PHIP: variants seen among roughly 807,000 people sequenced by gnomAD.
PHIP encodes the protein PHIP subunit of CUL4-Ring ligase complex, also known as PH-interacting protein.
In PHIP, 54 loss-of-function variants were observed where a neutral mutation model predicts 236.8. The ratio of observed to expected loss-of-function variants is 0.23; its 90% CI spans 0.18 to 0.29. The LOEUF (loss-of-function observed/expected upper bound fraction) is 0.29. Ranked by LOEUF, PHIP falls within the 10% of genes least tolerant of loss-of-function variation. The pLI, the probability that PHIP is intolerant of heterozygous loss-of-function variation, is 1.00. For missense variants in PHIP, 1,370 were observed against 2,190.8 expected (o/e 0.63, Z 7.48); for synonymous variants, 756 against 718.9 (o/e 1.05, Z -0.83).
intron 4 of PHIP, among the ~76,000 whole-genome samples, chr6:79,070,895 A>G (rs571165316): frequency 2.8e-4 from 42 of 152,328 alleles, no homozygotes; most frequent in African/African-American, 1.0e-3. Context: ...CTACAGTTGA[A>G]TTCACAGATG....
intron 4 of PHIP, among the ~76,000 whole-genome samples, chr6:79,068,898 G>A (rs1391677176): frequency 6.6e-6 from 1 of 152,140 alleles, no homozygotes. Flanking sequence ...ATAAGACCCT[G>A]CTGTTTGGCA....
chr6:78,954,875 A>G lies in PHIP; in HGVS notation c.3992T>C (p.Leu1331Pro). The change falls in exon 35 of 40, where the codon CTC becomes CCC. Residue 1331 changes from leucine (L) to proline (P), a missense_variant. Physicochemically the swap from Leu to Pro is moderately conservative, Grantham distance 98 (BLOSUM62 -3). Transcript: ENST00000275034. Reference protein sequence around the residue: ...WKKQCEELLNLIFQCEDSEPF... With the variant: ...WKKQCEELLNPIFQCEDSEPF... ...CTCTGAATCTTCACATTGAAATATG[A>G]GATTTAACAATTCTTCACACTGTTT... The G allele has an allele frequency of 6.3e-7, 1 of 1,585,152 alleles. No individual in the cohort carries two copies. The highest frequency in any genetic ancestry group is 1.4e-5 in the African/African-American group (1 of 73,154).
intron 9 of PHIP, among the ~76,000 whole-genome samples, chr6:79,023,162 T>C (rs1044969160): frequency 1.3e-5 from 2 of 152,232 alleles, no homozygotes; most frequent in East Asian, 3.8e-4. Flanking sequence ...CACTTCAGCC[T>C]TTAACTCCTG....
chr6:78,993,326 G>A (rs1335978553), intron 19 of PHIP, among the ~76,000 whole-genome samples: 1 of 152,214 alleles, frequency 6.6e-6, no homozygotes, highest in African/African-American at 2.4e-5. Context: ...AACTAGCTAA[G>A]ATCACTGAAG....
chr6:78,935,765 T>C lies in PHIP; in HGVS notation c.*4928A>G, dbSNP rs1419433487. 5 of 984,848 alleles carry C rather than the reference T, an allele frequency of 5.1e-6. No homozygotes were observed. Among genetic ancestry groups the C allele is most frequent in the South Asian group, 9.4e-5 (2 of 21,284 alleles). 61.0% of individuals were successfully genotyped at this position (984,848 alleles called of 1,614,324 possible). On this transcript the variant is annotated 3_prime_UTR_variant, in exon 40 of 40. Transcript: ENST00000275034. ...CATTTACATAATGGTATCTGCCATA[T>C]GACCACTTTGGTAAGCAGCTTGTTG...
At chr6:79,064,581 T>C (rs1773532809) in intron 4 of PHIP, among the ~76,000 whole-genome samples, 1 of 152,218 alleles carries the variant, frequency 6.6e-6, no homozygotes, top group Admixed American at 6.5e-5. Flanking sequence ...TCCCATAATA[T>C]TTCACCTAAC....
chr6:79,026,146 C>A lies in PHIP; in HGVS notation c.619G>T (p.Val207Leu). Residue 207 changes from valine (V) to leucine (L), a missense_variant, in exon 8 of 40, where the codon GTG becomes TTG. Val to Leu is a conservative substitution (Grantham distance 32, BLOSUM62 1). This residue lies in a region of PHIP where 82 missense variants were observed against 203.2 expected (regional missense o/e 0.40). Transcript: ENST00000275034. ...CCATCATCTGTTGCCCATATTTTCA[C>A]AAGACAGTCATCAGAACCCTTAAAG... is the stretch of plus-strand genomic sequence containing the variant. ...RIFTGSDDCL[V>L]KIWATDDGRL... 1 of 1,613,070 alleles carries A rather than the reference C, an allele frequency of 6.2e-7. No homozygotes were observed. Among genetic ancestry groups the A allele is most frequent in the Non-Finnish European group, 8.5e-7 (1 of 1,179,080 alleles).
intron 6 of PHIP, among the ~76,000 whole-genome samples, chr6:79,044,779 G>A (rs1168753692): frequency 6.6e-6 from 1 of 152,034 alleles, no homozygotes; most frequent in South Asian, 2.1e-4. Context: ...TTAGTATATA[G>A]GTAAGAATTT....
chr6:79,060,678 G>A lies in PHIP; in HGVS notation c.330C>T (p.Arg110=). 1.2e-6 allele frequency: 2 copies of A among 1,611,268 alleles called. No homozygotes were observed. Among genetic ancestry groups the A allele is most frequent in the South Asian group, 1.1e-5 (1 of 90,560 alleles). Residue 110 remains arginine (R), a synonymous_variant, in exon 5 of 40, where the codon CGC becomes CGT. Coordinates refer to ENST00000275034, the MANE Select transcript of PHIP (RefSeq NM_017934.7). ...AGAAAATTTTCATACTTTTATTTGTGCGTAGTAAAGACTGTCTTCCAGCTC... is the reference window on the plus strand; with the variant it reads ...AGAAAATTTTCATACTTTTATTTGTACGTAGTAAAGACTGTCTTCCAGCTC... The part of the protein sequence containing the change: ...LLGAGRQSLL[R]TNKSCKHVVW...
intron 35 of PHIP, among the ~76,000 whole-genome samples, chr6:78,948,716 A>G (rs1201733543): frequency 6.6e-6 from 1 of 152,038 alleles, no homozygotes; most frequent in Non-Finnish European, 1.5e-5. Context: ...CTGGTCTCAA[A>G]CTCCTGGGCT....
At chr6:79,037,756 C>A (rs1345608360) in intron 7 of PHIP, among the ~76,000 whole-genome samples, 23 of 152,126 alleles carry the variant, frequency 1.5e-4, no homozygotes. Context: ...CTAACAGATG[C>A]TAAGTTTTCT....
chr6:78,967,013 T>C (rs1767186601), intron 27 of PHIP, among the ~76,000 whole-genome samples: 2 of 152,212 alleles, frequency 1.3e-5, no homozygotes, highest in Admixed American at 1.3e-4. Context: ...CACTCCACAT[T>C]TTGACACACA....
At chr6:79,064,853 C>T (rs572051213) in intron 4 of PHIP, among the ~76,000 whole-genome samples, 1 of 152,256 alleles carries the variant, frequency 6.6e-6, no homozygotes, top group East Asian at 1.9e-4. Flanking sequence ...CATAGACTTG[C>T]ATAGCAAACT....
rs1773391086 is a variant in PHIP, at chr6:78,939,570, A to G, written c.*1123T>C. 1 of 151,976 alleles carries G rather than the reference A, an allele frequency of 6.6e-6. No homozygotes were observed. The allele number at this position is 151,976 out of a possible 1,614,324, so 9.4% of individuals were successfully genotyped here. The stretch of plus-strand genomic sequence containing the variant: ...AAAAAAGAATTTATACCTGGGTAAT[A>G]GTATATAAGTATGTGTTTGTATATA... On this transcript the variant is annotated 3_prime_UTR_variant, in exon 40 of 40. Transcript: ENST00000275034.
Position 78,935,390 on chromosome 6 carries a change from A to G in PHIP, c.*5303T>C, listed in dbSNP as rs773901132. 1.1e-4 allele frequency: 50 copies of G among 449,710 alleles called. No individual in the cohort carries two copies. Among genetic ancestry groups the G allele is most frequent in the Non-Finnish European group, 1.4e-4 (49 of 340,618 alleles). 27.9% of individuals were successfully genotyped at this position (449,710 alleles called of 1,614,324 possible). ...AAATTGGGATTCTTAGTCAATAAAA[A>G]TGCATGCCAATCTGACAAAATTTCT... On this transcript the variant is annotated 3_prime_UTR_variant, in exon 40 of 40. Transcript: ENST00000275034.
chr6:79,018,389 C>T (rs1770938644), intron 10 of PHIP, among the ~76,000 whole-genome samples: 1 of 151,782 alleles, frequency 6.6e-6, no homozygotes, highest in South Asian at 2.1e-4. Flanking sequence ...GTTTGCTATC[C>T]CTTATCTCAG....
chr6:79,011,805 A>G (rs1336935917), intron 15 of PHIP, among the ~76,000 whole-genome samples: 2 of 151,754 alleles, frequency 1.3e-5, no homozygotes, highest in Non-Finnish European at 3.0e-5. Flanking sequence ...TCAATTCCCA[A>G]TCTCAAACTC....
chr6:79,043,132 G>T, intron 6 of PHIP, 129 bp from the exon 7 acceptor site: 1 of 694,264 alleles, frequency 1.4e-6, no homozygotes, highest in Non-Finnish European at 2.4e-6. Flanking sequence ...TGATATATAT[G>T]GCTTCTAGTT....
chr6:79,004,658 T>C (rs931328023), intron 15 of PHIP, among the ~76,000 whole-genome samples: 1 of 152,106 alleles, frequency 6.6e-6, no homozygotes, highest in Non-Finnish European at 1.5e-5. Flanking sequence ...ACAAATGCTG[T>C]TGGATTTCTG....
Sources: gnomAD v4.1 joint callset for allele counts (sites outside exome capture counted in the v4.1 genomes callset) on GRCh38, gnomAD v4.1.1 for gene constraint, gnomAD v4.1.1 regional missense constraint, MANE v1.5 for transcripts, NCBI Gene and HGNC (gene_info 2026-07-23, HGNC 2026-07-21) for gene names.